RGS7: variants seen among roughly 807,000 people sequenced by gnomAD.
The protein encoded by RGS7 is regulator of G protein signaling 7.
A neutral mutation model predicts 81.1 loss-of-function variants in RGS7; 27 were observed. The observed-to-expected ratio is 0.33, with a 90% CI of 0.25 to 0.46. RGS7 has a LOEUF of 0.46. Among genes scored for constraint, RGS7 ranks in the 20% least tolerant of loss-of-function variants. The probability of loss-of-function intolerance (pLI) is 1.00; values close to 1 mark genes in which losing one functional copy is unlikely to be tolerated. For synonymous variants in RGS7, 208 were observed against 207.7 expected, an observed-to-expected ratio of 1.00 and a Z score of -0.01; for missense variants, 396 against 607.4, an observed-to-expected ratio of 0.65 and a Z score of 3.66.
intron 2 of RGS7, among the ~76,000 whole-genome samples, chr1:241,217,351 T>C (rs548917972): frequency 1.3e-5 from 2 of 152,326 alleles, no homozygotes; most frequent in African/African-American, 4.8e-5. Flanking sequence ...TGTCTGTTGT[T>C]GAAGCTACCC....
intron 2 of RGS7, among the ~76,000 whole-genome samples, chr1:241,342,114 T>A (rs562498757): frequency 1.3e-5 from 2 of 152,150 alleles, no homozygotes; most frequent in African/African-American, 4.8e-5. Context: ...CCTCAAGAAA[T>A]CTGTCCACCT....
At chr1:241,179,346 G>A (rs536235199) in intron 2 of RGS7, among the ~76,000 whole-genome samples, 6 of 152,082 alleles carry the variant, frequency 3.9e-5, no homozygotes, top group Admixed American at 6.6e-5. Flanking sequence ...TGATCCTTCC[G>A]CCTCGGCCCC....
chr1:240,984,208 G>A (rs1339871455), intron 3 of RGS7, among the ~76,000 whole-genome samples: 1 of 152,164 alleles, frequency 6.6e-6, no homozygotes, highest in Non-Finnish European at 1.5e-5. Context: ...CAGAGAAAGA[G>A]ACATGCAATA....
At chr1:240,976,644 C>T (rs1033619215) in intron 4 of RGS7, among the ~76,000 whole-genome samples, 2 of 152,088 alleles carry the variant, frequency 1.3e-5, no homozygotes, top group Non-Finnish European at 2.9e-5. Context: ...GAATTCATGC[C>T]TAGGTCTCCA....
At chr1:241,240,870 A>G (rs554544731) in intron 2 of RGS7, among the ~76,000 whole-genome samples, 1 of 152,302 alleles carries the variant, frequency 6.6e-6, no homozygotes, top group Admixed American at 6.5e-5. Context: ...CTTTCTGCTC[A>G]TATTTTGCAC....
chr1:241,013,077 T>G (rs1046245468), intron 3 of RGS7, among the ~76,000 whole-genome samples: 1 of 106,060 alleles, frequency 9.4e-6, no homozygotes, highest in Non-Finnish European at 2.2e-5. Context: ...TTTTTTTTTT[T>G]TGTGAAACGG....
intron 2 of RGS7, among the ~76,000 whole-genome samples, chr1:241,207,463 T>G (rs1254629504): frequency 6.6e-6 from 1 of 151,930 alleles, no homozygotes; most frequent in Admixed American, 6.6e-5. Flanking sequence ...ACTAAACACC[T>G]ATATATTCCA....
chr1:241,138,966 A>C (rs1010098909), intron 2 of RGS7, among the ~76,000 whole-genome samples: 3 of 152,184 alleles, frequency 2.0e-5, no homozygotes, highest in Non-Finnish European at 4.4e-5. Flanking sequence ...GACCAACGAG[A>C]AGGGAGACAT....
chr1:241,232,225 T>C (rs2075707160), intron 2 of RGS7, among the ~76,000 whole-genome samples: 1 of 152,078 alleles, frequency 6.6e-6, no homozygotes, highest in Admixed American at 6.6e-5. Context: ...TCTCTCTCTT[T>C]TGAGATGCCA....
At chr1:240,801,589 GA>G (rs1688035360) in intron 16 of RGS7, 81 bp from the exon 17 acceptor site, 1 of 953,538 alleles carries the variant, frequency 1.0e-6, no homozygotes, top group African/African-American at 1.6e-5. Flanking sequence ...AAACAGAGCA[GA>G]AAAAGACAGG....
At chr1:240,903,691 G>A (rs1258482708) in intron 6 of RGS7, among the ~76,000 whole-genome samples, 1 of 152,152 alleles carries the variant, frequency 6.6e-6, no homozygotes, top group Non-Finnish European at 1.5e-5. Context: ...CATGATGGTG[G>A]TGGGGCCTAA....
intron 4 of RGS7, among the ~76,000 whole-genome samples, chr1:240,967,578 G>C (rs199684390): frequency 3.4e-5 from 5 of 147,396 alleles, no homozygotes; most frequent in African/African-American, 7.6e-5. Context: ...TGGGGGGGGG[G>C]GGGAAAAGGC....
At chr1:240,974,859 T>C (rs1010792470) in intron 4 of RGS7, among the ~76,000 whole-genome samples, 1 of 152,132 alleles carries the variant, frequency 6.6e-6, no homozygotes, top group Non-Finnish European at 1.5e-5. Flanking sequence ...ATGTTGATTC[T>C]TTTAAGTATC....
At position 240,868,185 on chromosome 1, in the gene RGS7, G is replaced by C. The variant is rs1165160855; in HGVS notation, c.609+402C>G. ...ACGGAGGGAGGGAAGGACGAAGGAA[G>C]GAAGGAAGGAACGAAGGAACGAAGG... On this transcript the variant is annotated intron_variant, in intron 9 of 18. Coordinates refer to ENST00000440928, the MANE Select transcript of RGS7 (RefSeq NM_001364886.1). The surrounding 1 kb of genome is among the most constrained non-coding windows in gnomAD (Gnocchi z 5.1). Among the ~76,000 whole-genome samples the C allele has an allele frequency of 1.3e-5, 2 of 148,212 alleles. No individual in the cohort carries two copies. Among genetic ancestry groups the C allele is most frequent in the Non-Finnish European group, 3.0e-5 (2 of 67,436 alleles).
intron 4 of RGS7, among the ~76,000 whole-genome samples, chr1:240,973,831 C>T (rs1466956315): frequency 2.0e-5 from 3 of 152,080 alleles, no homozygotes; most frequent in East Asian, 3.9e-4. Flanking sequence ...CCATCCGCCT[C>T]GGCCTCCCAA....
At chr1:241,352,317 G>A (rs2083296804) in intron 2 of RGS7, among the ~76,000 whole-genome samples, 1 of 152,140 alleles carries the variant, frequency 6.6e-6, no homozygotes, top group African/African-American at 2.4e-5. Context: ...CTAGTTAGGG[G>A]CCTGACTGAA....
intron 4 of RGS7, among the ~76,000 whole-genome samples, chr1:240,969,869 G>A (rs962371576): frequency 6.6e-6 from 1 of 152,222 alleles, no homozygotes; most frequent in South Asian, 2.1e-4. Flanking sequence ...CTCGCCTGGA[G>A]CAGTGTTCAT....
intron 5 of RGS7, among the ~76,000 whole-genome samples, chr1:240,932,857 T>C (rs950033354): frequency 1.3e-5 from 2 of 149,186 alleles, no homozygotes; most frequent in African/African-American, 4.9e-5. Flanking sequence ...AAGAGATATA[T>C]TTCTACTTTG....
intron 2 of RGS7, among the ~76,000 whole-genome samples, chr1:241,331,781 A>G (rs1314850637): frequency 6.6e-6 from 1 of 152,210 alleles, no homozygotes; most frequent in Non-Finnish European, 1.5e-5. Context: ...TACAGCTTCT[A>G]TTCAGATATC....
Sources: allele counts gnomAD v4.1 joint callset (sites outside exome capture counted in the v4.1 genomes callset), GRCh38; gene constraint gnomAD v4.1.1; non-coding constraint Gnocchi (gnomAD v3.1); transcripts MANE v1.5; gene names NCBI Gene and HGNC (gene_info 2026-07-23, HGNC 2026-07-21).